CPNE7: variants seen among roughly 807,000 people sequenced by gnomAD.
The protein encoded by CPNE7 is copine 7.
CPNE7 carries 78 observed loss-of-function variants against 66.5 expected under a neutral mutation model. That is an observed-to-expected ratio of 1.17 (90% CI 0.98 to 1.42). The LOEUF is 1.42. CPNE7 is among the 40% of genes most tolerant of loss of function. The pLI is 0.00. For synonymous variants in CPNE7, 468 were observed against 336.7 expected (o/e 1.39, Z -4.27); for missense variants, 1,012 against 776.6 (o/e 1.30, Z -3.60).
rs2058852567 is a variant in CPNE7 at position 89,575,907 on chromosome 16, G to A, written c.10G>A (p.Gly4Ser). Residue 4 changes from glycine to serine, a missense_variant, in exon 1 of 15, where the codon GGC becomes AGC. Physicochemically the swap from Gly to Ser is moderately conservative, Grantham distance 56 (BLOSUM62 0). Transcript: ENST00000319518. MSA[G>S]SERGAAATPG... ...CCCGAACGCCGGGAGCATGAGCGCGGGCTCGGAGCGCGGGGCGGCGGCAAC... is the reference window on the plus strand; with the variant it reads ...CCCGAACGCCGGGAGCATGAGCGCGAGCTCGGAGCGCGGGGCGGCGGCAAC... 2 of 1,240,628 alleles carry A rather than the reference G, an allele frequency of 1.6e-6. No individual in the cohort carries two copies. Among genetic ancestry groups the A allele is most frequent in the Non-Finnish European group, 2.0e-6 (2 of 991,172 alleles). 76.9% of individuals were successfully genotyped at this position (1,240,628 alleles called of 1,614,324 possible).
rs2059006350 is a variant in CPNE7 at position 89,584,581 on chromosome 16, C to G, written c.508-193C>G. On this transcript the variant is annotated intron_variant, in intron 4 of 14. Transcript: ENST00000319518. The surrounding 1 kb of genome is among the most constrained non-coding windows in gnomAD (Gnocchi z 6.0). ...GGTGACTCCATGGAGGGCTGAGTTG[C>G]CCGCCGTGGTCAGATCCCTGGGGGC... is the stretch of plus-strand genomic sequence containing the variant. Among the ~76,000 whole-genome samples, 1 of 151,990 alleles carries G rather than the reference C, an allele frequency of 6.6e-6. No homozygotes were observed. The highest frequency in any genetic ancestry group is 2.4e-5 in the African/African-American group (1 of 41,386).
At chr16:89,587,809 CCCCCGTGTCA>C (rs2059091996) in intron 9 of CPNE7, 1 of 28,960 alleles carries the variant, frequency 3.5e-5, no homozygotes, top group Non-Finnish European at 9.3e-5. Context: ...GATACACGGC[CCCCCGTGTCA>C]CCCGCGTGTC....
At chr16:89,596,070 T>G (rs2059250903) in intron 14 of CPNE7, 1 of 447,120 alleles carries the variant, frequency 2.2e-6, no homozygotes, top group Non-Finnish European at 4.3e-6. Flanking sequence ...CACATAGATG[T>G]GAAGTTCTAC....
intron 2 of CPNE7, among the ~76,000 whole-genome samples, chr16:89,579,445 C>G: frequency 6.6e-6 from 1 of 152,028 alleles, no homozygotes; most frequent in East Asian, 1.9e-4. Context: ...CTTCACCCCT[C>G]ACACGGAACA....
At chr16:89,587,493 C>A (rs1421943396) in intron 9 of CPNE7, 2 of 449,546 alleles carry the variant, frequency 4.4e-6, no homozygotes, top group Non-Finnish European at 8.9e-6. Context: ...GGAAGCAGCC[C>A]CAAGCCCGCC....
chr16:89,587,721 CCCG>C lies in CPNE7; in HGVS notation c.927+620_927+622del, dbSNP rs1567960743. 6.2e-4 allele frequency: 121 copies of C among 194,678 alleles called. 5 individuals carry two copies. Among genetic ancestry groups the C allele is most frequent in the African/African-American group, 3.2e-3 (113 of 34,966 alleles). 12.1% of individuals were successfully genotyped at this position (194,678 alleles called of 1,614,324 possible). ...CACCCCGTGTCACCCCCATAGCACC[CCCG>C]TGTCACCCACAGATACACGGCCCCC... is the stretch of plus-strand genomic sequence containing the variant. On this transcript the variant is annotated intron_variant, in intron 9 of 14. Coordinates refer to ENST00000319518, the MANE Select transcript of CPNE7 (RefSeq NM_153636.3).
chr16:89,576,802 G>A (rs1345284807), intron 1 of CPNE7, among the ~76,000 whole-genome samples: 1 of 152,188 alleles, frequency 6.6e-6, no homozygotes, highest in Admixed American at 6.5e-5. Context: ...TCGGGCGGTG[G>A]AAGGGACGCG....
rs1195055878 is a variant in CPNE7 at position 89,575,787 on chromosome 16, G to T, written c.-111G>T. 2 of 817,874 alleles carry T rather than the reference G, an allele frequency of 2.4e-6. No individual in the cohort carries two copies. The highest frequency in any genetic ancestry group is 5.8e-5 in the Admixed American group (1 of 17,124). 50.7% of individuals were successfully genotyped at this position (817,874 alleles called of 1,614,324 possible). A position where few individuals can be genotyped will look rare whatever the true frequency, so the allele number is the denominator to read the frequency against. ...GCGCCCGCGCCCGGCAGGCGTTCAG[G>T]GAAGCGCGGCCACGCCTGGGCCGGC... On this transcript the variant is annotated 5_prime_UTR_variant, in exon 1 of 15. Transcript: ENST00000319518.
intron 13 of CPNE7, among the ~76,000 whole-genome samples, chr16:89,593,368 T>C (rs1442126704): frequency 6.6e-6 from 1 of 151,850 alleles, no homozygotes; most frequent in African/African-American, 2.4e-5. Context: ...ATTTTTTTTT[T>C]TTTGAGATGG....
intron 7 of CPNE7, among the ~76,000 whole-genome samples, chr16:89,586,115 G>A (rs889890300): frequency 2.0e-5 from 3 of 152,040 alleles, no homozygotes; most frequent in African/African-American, 7.2e-5. Flanking sequence ...GGCTACGCCT[G>A]TGTTGGCCCT....
chr16:89,580,601 G>A (rs1355381428), intron 2 of CPNE7, among the ~76,000 whole-genome samples: 5 of 110,420 alleles, frequency 4.5e-5, no homozygotes, highest in South Asian at 3.3e-4. Context: ...GGAACATCCC[G>A]TCACCCGCTG....
chr16:89,587,240 C>T (rs2059064778), intron 9 of CPNE7, 138 bp downstream of exon 9: 1 of 326,890 alleles, frequency 3.1e-6, no homozygotes, highest in Non-Finnish European at 5.3e-6. Flanking sequence ...AGTCCGTGGC[C>T]CCGCCCCTCC....
Position 89,585,703 on chromosome 16 carries a change from A to G in CPNE7, c.698A>G (p.Tyr233Cys). The change falls in exon 7 of 15, where the codon TAC (tyrosine) becomes TGC (cysteine). Residue 233 changes from tyrosine (Y) to cysteine (C), a missense_variant. Physicochemically the swap from Tyr to Cys is radical, Grantham distance 194 (BLOSUM62 -2). Transcript: ENST00000319518. The part of the protein sequence containing the change: ...TRPLKCLVWD[Y>C]DSRGKHDFIG... ...GCTCCCCAGTGCCTGGTCTGGGATT[A>G]CGACTCTCGAGGAAAGCACGACTTC... is the stretch of plus-strand genomic sequence containing the variant. The G allele has an allele frequency of 6.4e-7, 1 of 1,551,504 alleles. No individual in the cohort carries two copies. Among genetic ancestry groups the G allele is most frequent in the Non-Finnish European group, 8.7e-7 (1 of 1,147,524 alleles).
chr16:89,595,925 G>A (rs529197194), intron 14 of CPNE7: 82 of 545,724 alleles, frequency 1.5e-4, no homozygotes, highest in South Asian at 8.4e-4. Context: ...CAGCACACAC[G>A]TGAGGTTCTA....
chr16:89,592,526 T>C (rs1482754315), intron 13 of CPNE7, among the ~76,000 whole-genome samples: 2 of 148,836 alleles, frequency 1.3e-5, no homozygotes, highest in Non-Finnish European at 1.5e-5. Flanking sequence ...CACTGCAAGC[T>C]CCACCCTCCG....
Position 89,585,702 on chromosome 16 carries a change from T to A in CPNE7, c.697T>A (p.Tyr233Asn). ...TRPLKCLVWD[Y>N]DSRGKHDFIG... ...GGCTCCCCAGTGCCTGGTCTGGGATTACGACTCTCGAGGAAAGCACGACTT... is the reference window on the plus strand; with the variant it reads ...GGCTCCCCAGTGCCTGGTCTGGGATAACGACTCTCGAGGAAAGCACGACTT... Residue 233 changes from tyrosine (Y) to asparagine (N), a missense_variant, in exon 7 of 15, where the codon TAC (tyrosine) becomes AAC (asparagine). Transcript: ENST00000319518. 6.4e-7 allele frequency: 1 copy of A among 1,551,530 alleles called. No homozygotes were observed. The highest frequency in any genetic ancestry group is 1.2e-5 in the South Asian group (1 of 84,456).
chr16:89,590,911 G>C, intron 11 of CPNE7, 96 bp from the exon 12 acceptor site: 1 of 1,350,222 alleles, frequency 7.4e-7, no homozygotes, highest in South Asian at 1.3e-5. Context: ...GGGGGACATG[G>C]GGGCTGGGGA....
rs754419284 is a variant in CPNE7, at chr16:89,595,354, C to T, written c.1303-13C>T. 1.9e-6 allele frequency: 3 copies of T among 1,551,540 alleles called. No homozygotes were observed. Among genetic ancestry groups the T allele is most frequent in the Non-Finnish European group, 2.6e-6 (3 of 1,142,736 alleles). ...CAGGTGTGGTGTTGCTGATGCCTTT[C>T]CTGTGCCCCCAGCAATACTACATCC... On this transcript the variant is annotated splice_polypyrimidine_tract_variant and intron_variant, in intron 13 of 14. Transcript: ENST00000319518.
At chr16:89,590,250 C>T (rs926990396) in intron 11 of CPNE7, among the ~76,000 whole-genome samples, 12 of 152,310 alleles carry the variant, frequency 7.9e-5, no homozygotes, top group South Asian at 4.1e-4. Flanking sequence ...TTCGGCCAGG[C>T]GTGGTGGCTC....
Sources: gnomAD v4.1 joint callset for allele counts (sites outside exome capture counted in the v4.1 genomes callset) on GRCh38, gnomAD v4.1.1 for gene constraint, Gnocchi (gnomAD v3.1) non-coding constraint, MANE v1.5 for transcripts, NCBI Gene and HGNC (gene_info 2026-07-23, HGNC 2026-07-21) for gene names.